SUCLG2: variants seen among roughly 807,000 people sequenced by gnomAD.
SUCLG2 encodes succinate--CoA ligase [GDP-forming] subunit beta, mitochondrial.
A neutral mutation model predicts 47.9 loss-of-function variants in SUCLG2; 42 were observed. The ratio of observed to expected loss-of-function variants is 0.88; its 90% CI spans 0.69 to 1.14. The LOEUF is 1.14. Among genes scored for constraint, SUCLG2 ranks in the 50% most tolerant of loss-of-function variants. SUCLG2 has a pLI of 0.00. For synonymous variants in SUCLG2, 195 were observed against 197.3 expected, an observed-to-expected ratio of 0.99 and a Z score of 0.10; for missense variants, 571 against 525.9, an observed-to-expected ratio of 1.09 and a Z score of -0.84.
chr3:67,538,016 AGGCTGCCTGTTCACTCGGAT>A (rs1365424857), intron 2 of SUCLG2, among the ~76,000 whole-genome samples: 2 of 152,190 alleles, frequency 1.3e-5, no homozygotes, highest in Non-Finnish European at 2.9e-5. Context: ...CCCACTCTGT[AGGCTGCCTGTTCACTCGGAT>A]GGTAGTTTCT....
chr3:67,586,581 A>G lies in SUCLG2; in HGVS notation c.226+22874T>C, dbSNP rs145845789. Among the ~76,000 whole-genome samples the G allele has an allele frequency of 2.1e-3, 315 of 152,266 alleles. 2 individuals are homozygous for G. The highest frequency in any genetic ancestry group is 7.3e-3 in the African/African-American group (303 of 41,556). ...ATCCTATGGGGTATTTTTTAAAAGT[A>G]AGTAAAGTAAGTATTCTAAATAAAG... is the stretch of plus-strand genomic sequence containing the variant. On this transcript the variant is annotated intron_variant, in intron 2 of 10. Transcript: ENST00000307227.
chr3:67,504,697 G>A (rs1455552541), intron 7 of SUCLG2, among the ~76,000 whole-genome samples: 1 of 152,102 alleles, frequency 6.6e-6, no homozygotes, highest in Non-Finnish European at 1.5e-5. Flanking sequence ...TTCCCTGGGG[G>A]ACAAAATGCC....
intron 2 of SUCLG2, among the ~76,000 whole-genome samples, chr3:67,574,113 C>A (rs1707686486): frequency 6.6e-6 from 1 of 152,158 alleles, no homozygotes; most frequent in South Asian, 2.1e-4. Flanking sequence ...ACAGGTCAAG[C>A]CCCTGTCATG....
intron 10 of SUCLG2, among the ~76,000 whole-genome samples, chr3:67,391,870 A>T (rs1213620364): frequency 6.6e-6 from 1 of 152,072 alleles, no homozygotes; most frequent in Non-Finnish European, 1.5e-5. Flanking sequence ...GTACGGAGTT[A>T]ATTTTCCATC....
chr3:67,492,981 T>A (rs1342479469), intron 9 of SUCLG2, among the ~76,000 whole-genome samples: 1 of 152,224 alleles, frequency 6.6e-6, no homozygotes, highest in Non-Finnish European at 1.5e-5. Flanking sequence ...CAGTTGTAAA[T>A]ATCAGTTGAT....
At chr3:67,568,131 G>C (rs1370319872) in intron 2 of SUCLG2, among the ~76,000 whole-genome samples, 1 of 152,168 alleles carries the variant, frequency 6.6e-6, no homozygotes, top group African/African-American at 2.4e-5. Flanking sequence ...CACTGAACTG[G>C]TTACAATTTA....
chr3:67,548,476 C>T (rs1304810212), intron 2 of SUCLG2, among the ~76,000 whole-genome samples: 1 of 152,068 alleles, frequency 6.6e-6, no homozygotes, highest in East Asian at 1.9e-4. Flanking sequence ...TCTTCAGTAT[C>T]CATATCAGTT....
intron 6 of SUCLG2, among the ~76,000 whole-genome samples, chr3:67,511,830 A>T (rs1705799439): frequency 6.9e-6 from 1 of 144,774 alleles, no homozygotes; most frequent in Admixed American, 6.7e-5. Flanking sequence ...TTATAGGAAG[A>T]GTGTGAGTGT....
intron 9 of SUCLG2, among the ~76,000 whole-genome samples, chr3:67,407,311 T>C (rs1702836221): frequency 1.3e-5 from 2 of 152,308 alleles, no homozygotes; most frequent in South Asian, 4.1e-4. Context: ...ACTTGATATA[T>C]CTTTGATAAC....
chr3:67,560,334 C>T (rs972083108), intron 2 of SUCLG2, among the ~76,000 whole-genome samples: 1 of 152,214 alleles, frequency 6.6e-6, no homozygotes, highest in Non-Finnish European at 1.5e-5. Flanking sequence ...CCACCTTGAG[C>T]AGGGACTTCT....
chr3:67,645,945 A>C (rs1029189961), intron 1 of SUCLG2, among the ~76,000 whole-genome samples: 1 of 151,648 alleles, frequency 6.6e-6, no homozygotes, highest in Non-Finnish European at 1.5e-5. Context: ...GTTCCTTATA[A>C]AAATGTGAAG....
intron 9 of SUCLG2, among the ~76,000 whole-genome samples, chr3:67,423,279 T>G (rs1298517948): frequency 6.6e-6 from 1 of 152,130 alleles, no homozygotes; most frequent in Non-Finnish European, 1.5e-5. Context: ...AAGAGGTGCC[T>G]TCTGCCATGA....
At chr3:67,596,392 C>A (rs1422327146) in intron 2 of SUCLG2, among the ~76,000 whole-genome samples, 3 of 152,122 alleles carry the variant, frequency 2.0e-5, no homozygotes, top group Non-Finnish European at 4.4e-5. Context: ...AAGTTAAGGA[C>A]AAGGTTTCTA....
chr3:67,610,425 T>G (rs1465112205), intron 1 of SUCLG2, among the ~76,000 whole-genome samples: 1 of 151,376 alleles, frequency 6.6e-6, no homozygotes, highest in Non-Finnish European at 1.5e-5. Flanking sequence ...CACAATAACA[T>G]GAACAAATAA....
At chr3:67,558,104 A>G (rs1350138462) in intron 2 of SUCLG2, among the ~76,000 whole-genome samples, 3 of 152,258 alleles carry the variant, frequency 2.0e-5, no homozygotes, top group African/African-American at 2.4e-5. Flanking sequence ...CTTGTCTCCT[A>G]TATGAGTTTA....
Position 67,426,427 on chromosome 3 carries a change from T to C in SUCLG2, c.1063-25576A>G, listed in dbSNP as rs73836518. Among the ~76,000 whole-genome samples, 652 of 152,308 alleles carry C rather than the reference T, an allele frequency of 4.3e-3. 7 individuals are homozygous for C. The highest frequency in any genetic ancestry group is 0.015 in the African/African-American group (630 of 41,566). ...AACTCTTCATTTCAAACTCCATTTG[T>C]TCAGAATGTGAATATGGAGGACTCT... is the stretch of plus-strand genomic sequence containing the variant. On this transcript the variant is annotated intron_variant, in intron 9 of 10. Transcript: ENST00000307227.
chr3:67,652,734 A>T (rs1366743867), intron 1 of SUCLG2, among the ~76,000 whole-genome samples: 1 of 152,210 alleles, frequency 6.6e-6, no homozygotes, highest in Non-Finnish European at 1.5e-5. Flanking sequence ...GGAAACGTAA[A>T]GGTAAGCCTT....
intron 2 of SUCLG2, among the ~76,000 whole-genome samples, chr3:67,565,096 G>C (rs1053363530): frequency 1.3e-5 from 2 of 151,992 alleles, no homozygotes; most frequent in African/African-American, 4.8e-5. Flanking sequence ...AACTTAAATA[G>C]TATTTTGACA....
chr3:67,522,173 C>G (rs886728870), intron 4 of SUCLG2, among the ~76,000 whole-genome samples: 2 of 151,712 alleles, frequency 1.3e-5, no homozygotes, highest in African/African-American at 4.9e-5. Context: ...TCCTGAGTAG[C>G]TGAAACTACA....
Sources: allele counts gnomAD v4.1 joint callset (sites outside exome capture counted in the v4.1 genomes callset), GRCh38; gene constraint gnomAD v4.1.1; transcripts MANE v1.5; gene names NCBI Gene and HGNC (gene_info 2026-07-23, HGNC 2026-07-21).